Variants in LRRIQ3 observed in about 807,000 individuals in gnomAD.
The protein encoded by LRRIQ3 is leucine rich repeats and IQ motif containing 3.
LRRIQ3 carries 75 observed loss-of-function variants against 59.3 expected under a neutral mutation model. The ratio of observed to expected loss-of-function variants is 1.26; its 90% CI spans 1.05 to 1.53. The LOEUF (loss-of-function observed/expected upper bound fraction) is 1.53, where lower values mean the gene tolerates loss of function less well. Among genes scored for constraint, LRRIQ3 ranks in the 40% most tolerant of loss-of-function variants. LRRIQ3 has a pLI of 0.00. For synonymous variants in LRRIQ3, 250 were observed against 231.3 expected (o/e 1.08, Z -0.73); for missense variants, 831 against 710.0 (o/e 1.17, Z -1.94).
chr1:74,197,992 T>C lies in LRRIQ3; in HGVS notation c.-1+4A>G. On this transcript the variant is annotated splice_donor_region_variant and intron_variant, in intron 1 of 7. Coordinates refer to ENST00000354431, the MANE Select transcript of LRRIQ3 (RefSeq NM_001105659.2). ...AATTTTGTCACCCAAACTGAACCAC[T>C]CACCGGGTCAACTGGGCTGCAAGCC... 1.9e-6 allele frequency: 1 copy of C among 518,148 alleles called. No homozygotes were observed. The highest frequency in any genetic ancestry group is 3.5e-5 in the South Asian group (1 of 28,398). 32.1% of individuals were successfully genotyped at this position (518,148 alleles called of 1,614,324 possible).
At chr1:74,052,820 A>G (rs1426939788) in intron 6 of LRRIQ3, among the ~76,000 whole-genome samples, 14 of 152,124 alleles carry the variant, frequency 9.2e-5, no homozygotes, top group Admixed American at 9.2e-4. Flanking sequence ...CTTCTTTAAA[A>G]CAAAATAAAT....
intron 1 of LRRIQ3, among the ~76,000 whole-genome samples, chr1:74,191,395 T>C (rs1383907043): frequency 1.3e-5 from 2 of 151,928 alleles, no homozygotes; most frequent in East Asian, 3.9e-4. Context: ...AATAAAAATC[T>C]CTTATTTTTC....
intron 5 of LRRIQ3, among the ~76,000 whole-genome samples, chr1:74,076,087 G>A (rs1389577440): frequency 1.3e-5 from 2 of 152,104 alleles, no homozygotes; most frequent in African/African-American, 4.8e-5. Flanking sequence ...TACCATGACA[G>A]AAGAAAAGAG....
intron 4 of LRRIQ3, among the ~76,000 whole-genome samples, chr1:74,122,618 C>G (rs547192446): frequency 6.6e-6 from 1 of 152,082 alleles, no homozygotes; most frequent in Middle Eastern, 3.2e-3. Flanking sequence ...GGAAAACTGG[C>G]TAGCCATACG....
chr1:74,174,581 A>C (rs1649526560), intron 3 of LRRIQ3, among the ~76,000 whole-genome samples: 1 of 146,918 alleles, frequency 6.8e-6, no homozygotes. Context: ...TTTAGTAGAG[A>C]CAGAGTTTTA....
At position 74,158,263 on chromosome 1, in the gene LRRIQ3, T is replaced by C. The variant is rs547000698; in HGVS notation, c.574-2397A>G. On this transcript the variant is annotated intron_variant, in intron 3 of 7. Coordinates refer to ENST00000354431, the MANE Select transcript of LRRIQ3 (RefSeq NM_001105659.2). ...AACCATAAAATGCACTATTGCTAGA[T>C]TGAGCATTCCAAAATGTAAATCTTA... Among the ~76,000 whole-genome samples, 5 of 152,308 alleles carry C rather than the reference T, an allele frequency of 3.3e-5. No individual in the cohort carries two copies. The South Asian group carries it at 6.2e-4, about 19-fold the overall frequency.
At chr1:74,166,638 A>G (rs184712495) in intron 3 of LRRIQ3, among the ~76,000 whole-genome samples, 37 of 151,898 alleles carry the variant, frequency 2.4e-4, no homozygotes, top group African/African-American at 8.7e-4. Flanking sequence ...GATCATTGAT[A>G]TGATATTTTC....
intron 3 of LRRIQ3, among the ~76,000 whole-genome samples, chr1:74,173,294 C>G (rs796704724): frequency 8.5e-6 from 1 of 117,512 alleles, no homozygotes; most frequent in African/African-American, 3.7e-5. Flanking sequence ...GAGTCCATCT[C>G]AAAAAAAAAA....
At chr1:74,081,181 G>T (rs1189333429) in intron 5 of LRRIQ3, among the ~76,000 whole-genome samples, 1 of 151,398 alleles carries the variant, frequency 6.6e-6, no homozygotes, top group African/African-American at 2.4e-5. Flanking sequence ...AATCCAAAAA[G>T]AATAGCCTGG....
chr1:74,167,294 T>C (rs994918494), intron 3 of LRRIQ3, among the ~76,000 whole-genome samples: 4 of 151,906 alleles, frequency 2.6e-5, no homozygotes, highest in Admixed American at 1.3e-4. Context: ...AATGAAATAA[T>C]GGCATTTGCA....
intron 4 of LRRIQ3, among the ~76,000 whole-genome samples, chr1:74,145,044 T>A (rs992734273): frequency 6.6e-6 from 1 of 152,148 alleles, no homozygotes; most frequent in African/African-American, 2.4e-5. Context: ...AATAGATTAA[T>A]GTACATTTAG....
intron 6 of LRRIQ3, among the ~76,000 whole-genome samples, chr1:74,069,862 T>C (rs750527931): frequency 6.6e-6 from 1 of 152,016 alleles, no homozygotes; most frequent in Non-Finnish European, 1.5e-5. Context: ...TGCCTAGGGC[T>C]GATAAAAATA....
chr1:74,037,993 G>A (rs1200806342), intron 7 of LRRIQ3, among the ~76,000 whole-genome samples: 2 of 152,188 alleles, frequency 1.3e-5, no homozygotes, highest in African/African-American at 4.8e-5. Flanking sequence ...TAATGTCTAA[G>A]CTGCCTGAGG....
At chr1:74,184,889 C>T (rs1650256139) in intron 1 of LRRIQ3, among the ~76,000 whole-genome samples, 3 of 152,162 alleles carry the variant, frequency 2.0e-5, no homozygotes. Context: ...ATAATATACA[C>T]ATCATTTGGA....
In LRRIQ3 at chr1:74,026,131, A is replaced by T. The variant is rs1033752909; in HGVS notation, c.*682T>A. On this transcript the variant is annotated 3_prime_UTR_variant, in exon 8 of 8. Coordinates refer to ENST00000354431, the MANE Select transcript of LRRIQ3 (RefSeq NM_001105659.2). The stretch of plus-strand genomic sequence containing the variant: ...TATTTTATGATTCCAATATATAATT[A>T]TATGGGTTGTCTCTTGCTTCTCTCC... 1 of 152,030 alleles carries T rather than the reference A, an allele frequency of 6.6e-6. No individual in the cohort carries two copies. The highest frequency in any genetic ancestry group is 6.6e-5 in the Admixed American group (1 of 15,212). 9.4% of individuals were successfully genotyped at this position (152,030 alleles called of 1,614,324 possible).
chr1:74,066,954 G>A (rs1654883452), intron 6 of LRRIQ3, among the ~76,000 whole-genome samples: 1 of 152,100 alleles, frequency 6.6e-6, no homozygotes, highest in Non-Finnish European at 1.5e-5. Flanking sequence ...CTTACTTTGA[G>A]TCAGAATTTA....
chr1:74,029,887 G>T (rs180731941), intron 7 of LRRIQ3, among the ~76,000 whole-genome samples: 269 of 152,130 alleles, frequency 1.8e-3, no homozygotes, highest in Admixed American at 3.3e-3. Flanking sequence ...CCTGTTATTG[G>T]TCTATTAAGA....
intron 6 of LRRIQ3, among the ~76,000 whole-genome samples, chr1:74,053,162 C>T (rs1282402164): frequency 3.8e-5 from 4 of 104,516 alleles, no homozygotes; most frequent in East Asian, 3.2e-4. Flanking sequence ...ATGAAATAAC[C>T]GGTCCTCCAC....
chr1:74,136,702 A>G (rs1405574839), intron 4 of LRRIQ3, among the ~76,000 whole-genome samples: 2 of 151,960 alleles, frequency 1.3e-5, no homozygotes, highest in Admixed American at 1.3e-4. Context: ...AATTTCTCAG[A>G]GGCAAATTGG....
Sources: allele counts gnomAD v4.1 joint callset (sites outside exome capture counted in the v4.1 genomes callset), GRCh38; gene constraint gnomAD v4.1.1; transcripts MANE v1.5; gene names NCBI Gene and HGNC (gene_info 2026-07-23, HGNC 2026-07-21).